Variants in MRPS17 observed in about 807,000 individuals in gnomAD.
The protein encoded by MRPS17 is small ribosomal subunit protein uS17m.
A neutral mutation model predicts 11.3 loss-of-function variants in MRPS17; 6 were observed. The ratio of observed to expected loss-of-function variants is 0.53; its 90% CI spans 0.29 to 1.05. The LOEUF is 1.05. Among genes scored for constraint, MRPS17 ranks in the 50% least tolerant of loss-of-function variants. The pLI, the probability that MRPS17 is intolerant of heterozygous loss-of-function variation, is 0.08. For missense variants in MRPS17, 139 were observed against 153.6 expected (o/e 0.90, Z 0.50); for synonymous variants, 56 against 60.4 (o/e 0.93, Z 0.34).
At chr7:55,954,843 A>G in intron 2 of MRPS17, 66 bp from the exon 3 acceptor site, 11 of 1,541,578 alleles carry the variant, frequency 7.1e-6, no homozygotes, top group Non-Finnish European at 9.7e-6. Flanking sequence ...ACTTTTTCAT[A>G]TTACATATTA....
chr7:55,952,235 GGA>G (rs1384043422), intron 1 of MRPS17: 2 of 152,464 alleles, frequency 1.3e-5, no homozygotes, highest in East Asian at 3.9e-4. Context: ...CCAGCGGGGT[GGA>G]GAGAGATAAG....
chr7:55,953,504 C>G (rs949904235), intron 2 of MRPS17, among the ~76,000 whole-genome samples, 186 bp downstream of exon 2: 2 of 152,140 alleles, frequency 1.3e-5, no homozygotes, highest in Non-Finnish European at 2.9e-5. Flanking sequence ...TGTCAATCCA[C>G]TCTAACTGCT....
At chr7:55,952,983 G>A (rs1016928211) in intron 1 of MRPS17, among the ~76,000 whole-genome samples, 196 bp from the exon 2 acceptor site, 1 of 152,038 alleles carries the variant, frequency 6.6e-6, no homozygotes, top group African/African-American at 2.4e-5. Context: ...AGTGAGCCAA[G>A]ATCGCACCAC....
Position 55,955,230 on chromosome 7 carries a change from G to A in MRPS17, c.*52G>A. 1 of 1,554,594 alleles carries A rather than the reference G, an allele frequency of 6.4e-7. No individual in the cohort carries two copies. The highest frequency in any genetic ancestry group is 8.7e-7 in the Non-Finnish European group (1 of 1,152,052). On this transcript the variant is annotated 3_prime_UTR_variant, in exon 3 of 3. Transcript: ENST00000285298. Reference sequence around the variant, plus strand: ...GGAAAAACTGACATGTTTATGTTATGGAAAAAGAAATTTTTCTAAGTTTCA... The same window carrying A: ...GGAAAAACTGACATGTTTATGTTATAGAAAAAGAAATTTTTCTAAGTTTCA...
rs921631569 is a variant in MRPS17 at position 55,955,455 on chromosome 7, A to G, written c.*277A>G. ...TAAGCTCACAGTTTTTTGTTTTGAGATGGAATCTCACTCTGTCACCCAGGC... is the reference window on the plus strand; with the variant it reads ...TAAGCTCACAGTTTTTTGTTTTGAGGTGGAATCTCACTCTGTCACCCAGGC... On this transcript the variant is annotated 3_prime_UTR_variant, in exon 3 of 3. Coordinates refer to ENST00000285298, the MANE Select transcript of MRPS17 (RefSeq NM_015969.3). 21 of 368,070 alleles carry G rather than the reference A, an allele frequency of 5.7e-5. No homozygotes were observed. Among genetic ancestry groups the G allele is most frequent in the Non-Finnish European group, 9.5e-5 (19 of 199,480 alleles). 22.8% of individuals were successfully genotyped at this position (368,070 alleles called of 1,614,324 possible).
Position 55,955,237 on chromosome 7 carries a change from G to A in MRPS17, c.*59G>A. The A allele has an allele frequency of 1.3e-6, 2 of 1,546,804 alleles. No individual in the cohort carries two copies. Among genetic ancestry groups the A allele is most frequent in the Admixed American group, 2.1e-5 (1 of 48,174 alleles). ...CTGACATGTTTATGTTATGGAAAAA[G>A]AAATTTTTCTAAGTTTCATCACAAA... On this transcript the variant is annotated 3_prime_UTR_variant, in exon 3 of 3. Transcript: ENST00000285298.
chr7:55,955,678 A>C lies in MRPS17; in HGVS notation c.*500A>C, dbSNP rs1318042986. The C allele has an allele frequency of 6.4e-6, 1 of 155,284 alleles. No homozygotes were observed. 9.6% of individuals were successfully genotyped at this position (155,284 alleles called of 1,614,324 possible). A position where few individuals can be genotyped will look rare whatever the true frequency, so the allele number is the denominator to read the frequency against. On this transcript the variant is annotated 3_prime_UTR_variant, in exon 3 of 3. Coordinates refer to ENST00000285298, the MANE Select transcript of MRPS17 (RefSeq NM_015969.3). ...TAGCCAGGATGGTCTTGATCTCCTG[A>C]CCTCGTGATCTGCCTGCCTTGGCCT...
chr7:55,952,990 C>G (rs1321480315), intron 1 of MRPS17, among the ~76,000 whole-genome samples, 189 bp from the exon 2 acceptor site: 1 of 152,030 alleles, frequency 6.6e-6, no homozygotes, highest in South Asian at 2.1e-4. Flanking sequence ...CAAGATCGCA[C>G]CACCGCACTC....
Position 55,953,199 on chromosome 7 carries a change from T to C in MRPS17, c.4T>C (p.Ser2Pro), listed in dbSNP as rs768188775. M[S>P]VVRSSVHARW... ...TTCAGGTGACCAAAGCCACGTAATG[T>C]CCGTAGTTCGCTCATCCGTCCATGC... is the stretch of plus-strand genomic sequence containing the variant. Residue 2 changes from serine to proline, a missense_variant, in exon 2 of 3, where the codon TCC becomes CCC. Transcript: ENST00000285298. The C allele has an allele frequency of 2.5e-6, 4 of 1,614,048 alleles. No homozygotes were observed. In the East Asian group the frequency reaches 8.9e-5, roughly 36 times the overall value.
chr7:55,953,746 C>T (rs1484024877), intron 2 of MRPS17, among the ~76,000 whole-genome samples: 11 of 152,154 alleles, frequency 7.2e-5, no homozygotes, highest in Admixed American at 2.0e-4. Flanking sequence ...CTCTTGAAGC[C>T]GGGAGGCGGA....
At chr7:55,954,054 T>C (rs1473554916) in intron 2 of MRPS17, among the ~76,000 whole-genome samples, 1 of 151,974 alleles carries the variant, frequency 6.6e-6, no homozygotes, top group Non-Finnish European at 1.5e-5. Flanking sequence ...GGATGAAGAC[T>C]GGAGGTAAGG....
chr7:55,955,080 C>G lies in MRPS17; in HGVS notation c.295C>G (p.Pro99Ala). The G allele has an allele frequency of 6.2e-7, 1 of 1,614,174 alleles. No individual in the cohort carries two copies. The highest frequency in any genetic ancestry group is 8.5e-7 in the Non-Finnish European group (1 of 1,180,034). ...GKVIDPVTGK[P>A]CAGTTYLESP... ...AGTCATAGATCCAGTGACAGGAAAG[C>G]CCTGTGCTGGAACTACCTACCTGGA... The change falls in exon 3 of 3, where the codon CCC (proline) becomes GCC (alanine). Residue 99 changes from proline (P) to alanine (A), a missense_variant. Pro to Ala is a conservative substitution (Grantham distance 27). Transcript: ENST00000285298.
chr7:55,953,424 C>T (rs554879211), intron 2 of MRPS17, 106 bp downstream of exon 2: 3 of 1,482,966 alleles, frequency 2.0e-6, no homozygotes, highest in African/African-American at 1.4e-5. Flanking sequence ...TGTCTCTCAT[C>T]TGCTTTGAGC....
In MRPS17 at chr7:55,955,546, G is replaced by C. The variant is rs1230879615; in HGVS notation, c.*368G>C. On this transcript the variant is annotated 3_prime_UTR_variant, in exon 3 of 3. Transcript: ENST00000285298. ...CCTCCCGGGTTCACGCCGTTCTCCT[G>C]CCTCAGCCTCCCGAGTAGCTGGGAC... The C allele has an allele frequency of 5.8e-6, 1 of 171,738 alleles. No individual in the cohort carries two copies. The highest frequency in any genetic ancestry group is 2.4e-5 in the African/African-American group (1 of 41,318). 10.6% of individuals were successfully genotyped at this position (171,738 alleles called of 1,614,324 possible).
chr7:55,952,147 T>C (rs73360362), intron 1 of MRPS17: 4,859 of 151,822 alleles, frequency 0.032, 251 homozygotes, highest in African/African-American at 0.11. Context: ...AAGTCATCCG[T>C]CGCTGGGCCG....
In MRPS17 at chr7:55,955,093, C is replaced by CT; in HGVS notation, c.309dup (p.Thr104TyrfsTer52). The CT allele has an allele frequency of 6.2e-7, 1 of 1,614,180 alleles. No individual in the cohort carries two copies. The highest frequency in any genetic ancestry group is 1.1e-5 in the South Asian group (1 of 91,092). Reference sequence around the variant, plus strand: ...GTGACAGGAAAGCCCTGTGCTGGAACTACCTACCTGGAGAGTCCGTTGAGT... The same window carrying CT: ...GTGACAGGAAAGCCCTGTGCTGGAACTTACCTACCTGGAGAGTCCGTTGAGT... On this transcript the variant is annotated frameshift_variant, in exon 3 of 3. Transcript: ENST00000285298. LOFTEE classifies it high-confidence loss of function.
chr7:55,954,927 A>G lies in MRPS17; in HGVS notation c.142A>G (p.Thr48Ala). The change falls in exon 3 of 3, where the codon ACC (threonine) becomes GCC (alanine). Residue 48 changes from threonine to alanine, a missense_variant. Thr to Ala is a moderately conservative substitution (Grantham distance 58). Transcript: ENST00000285298. The stretch of plus-strand genomic sequence containing the variant: ...TCAACAGTATTTTAATAAGCGGAAA[A>G]CCTACTTTGCTCACGATGCCCTTCA... ...YLLKYFNKRK[T>A]YFAHDALQQC... The G allele has an allele frequency of 1.2e-6, 2 of 1,613,690 alleles. No homozygotes were observed. The highest frequency in any genetic ancestry group is 1.7e-6 in the Non-Finnish European group (2 of 1,179,714).
rs981066493 is a variant in MRPS17, at chr7:55,953,314, T to C, written c.119T>C (p.Leu40Ser). The C allele has an allele frequency of 1.4e-5, 23 of 1,613,626 alleles. 1 individual carries two copies. The highest frequency in any genetic ancestry group is 6.7e-5 in the East Asian group (3 of 44,890). The change falls in exon 2 of 3, where the codon TTA (leucine) becomes TCA (serine). Residue 40 changes from leucine to serine, a missense_variant. Coordinates refer to ENST00000285298, the MANE Select transcript of MRPS17 (RefSeq NM_015969.3). ...AGGCTTGTTCTGGATCCCTATTTAT[T>C]AAAGGTGAGAAACATTCTTGTTTCC... ...VTRLVLDPYL[L>S]KYFNKRKTYF...
intron 2 of MRPS17, 46 bp downstream of exon 2, chr7:55,953,364 A>C: frequency 5.6e-6 from 9 of 1,609,818 alleles, no homozygotes; most frequent in Non-Finnish European, 7.6e-6. Flanking sequence ...AATCACCACC[A>C]TGTCCTGGGT....
Sources: allele counts gnomAD v4.1 joint callset (sites outside exome capture counted in the v4.1 genomes callset), GRCh38; gene constraint gnomAD v4.1.1; transcripts MANE v1.5; gene names NCBI Gene and HGNC (gene_info 2026-07-23, HGNC 2026-07-21).